Variants in PDE9A observed in about 807,000 individuals in gnomAD.
PDE9A encodes phosphodiesterase 9A.
Under a neutral mutation model 87.4 loss-of-function variants are expected in PDE9A, and 60 were observed. The observed-to-expected ratio is 0.69, with a 90% confidence interval of 0.56 to 0.85. PDE9A has a LOEUF of 0.85. Ranked by LOEUF, PDE9A falls within the 40% of genes least tolerant of loss-of-function variation. The pLI, the probability that PDE9A is intolerant of heterozygous loss-of-function variation, is 0.00. For missense variants in PDE9A, 665 were observed against 779.0 expected (o/e 0.85, Z 1.74); for synonymous variants, 272 against 279.4 (o/e 0.97, Z 0.27).
chr21:42,670,461 CTT>C (rs754896290), intron 1 of PDE9A, among the ~76,000 whole-genome samples: 3 of 151,926 alleles, frequency 2.0e-5, no homozygotes, highest in Non-Finnish European at 4.4e-5. Flanking sequence ...GTCACACAGA[CTT>C]GCACATAGAC....
chr21:42,697,645 G>A (rs1323324684), intron 3 of PDE9A, among the ~76,000 whole-genome samples: 2 of 152,162 alleles, frequency 1.3e-5, no homozygotes, highest in Admixed American at 6.5e-5. Context: ...TCCTGGGGAG[G>A]CCTCTCTTCC....
chr21:42,765,066 G>A (rs2056259987), intron 14 of PDE9A, among the ~76,000 whole-genome samples: 1 of 151,900 alleles, frequency 6.6e-6, no homozygotes. Flanking sequence ...TGGATGGATG[G>A]ATGGGTGGAT....
chr21:42,755,885 C>T (rs1022146652), intron 10 of PDE9A, among the ~76,000 whole-genome samples: 1 of 152,226 alleles, frequency 6.6e-6, no homozygotes, highest in African/African-American at 2.4e-5. Context: ...AAAGCACCTG[C>T]GTGGAAACTG....
intron 4 of PDE9A, 94 bp from the exon 5 acceptor site, chr21:42,731,676 C>T: frequency 4.7e-6 from 6 of 1,268,000 alleles, no homozygotes; most frequent in Non-Finnish European, 6.6e-6. Flanking sequence ...GCCTTGCACT[C>T]ACTTTGTCCC....
At chr21:42,768,931 G>A (rs2056649449) in intron 16 of PDE9A, 96 bp from the exon 17 acceptor site, 3 of 1,513,188 alleles carry the variant, frequency 2.0e-6, no homozygotes, top group Admixed American at 2.0e-5. Context: ...TGGTTGGTTG[G>A]TGGTTAACTG....
chr21:42,655,639 C>T (rs2057004516), intron 1 of PDE9A, among the ~76,000 whole-genome samples: 1 of 152,128 alleles, frequency 6.6e-6, no homozygotes, highest in African/African-American at 2.4e-5. Flanking sequence ...GCATCCCCGT[C>T]CATAAAGAAG....
At chr21:42,684,516 G>A (rs2059340066) in intron 1 of PDE9A, among the ~76,000 whole-genome samples, 1 of 152,258 alleles carries the variant, frequency 6.6e-6, no homozygotes, top group Non-Finnish European at 1.5e-5. Context: ...ACCCGGCCAA[G>A]TGCAGGACTC....
intron 14 of PDE9A, 46 bp from the exon 15 acceptor site, chr21:42,765,335 T>G (rs1035698096): frequency 9.0e-7 from 1 of 1,113,700 alleles, no homozygotes; most frequent in Non-Finnish European, 1.3e-6. Flanking sequence ...GCTGAATAAT[T>G]GTTCAGACTA....
At chr21:42,725,166 G>A (rs2050906342) in intron 4 of PDE9A, among the ~76,000 whole-genome samples, 1 of 152,100 alleles carries the variant, frequency 6.6e-6, no homozygotes, top group Non-Finnish European at 1.5e-5. Context: ...TAATAGCCAC[G>A]CTGCTTCCCT....
At chr21:42,754,727 A>G (rs967558121) in intron 10 of PDE9A, among the ~76,000 whole-genome samples, 1 of 150,828 alleles carries the variant, frequency 6.6e-6, no homozygotes, top group Non-Finnish European at 1.5e-5. Flanking sequence ...TTCTCGTGAT[A>G]GTGAGTAAGT....
At chr21:42,720,822 G>A (rs150725589) in intron 4 of PDE9A, among the ~76,000 whole-genome samples, 4 of 152,030 alleles carry the variant, frequency 2.6e-5, no homozygotes, top group Middle Eastern at 3.4e-3. Context: ...CCTGGCCAAC[G>A]TGGAGAAACC....
At chr21:42,714,487 A>G (rs2049653672) in intron 4 of PDE9A, among the ~76,000 whole-genome samples, 1 of 151,396 alleles carries the variant, frequency 6.6e-6, no homozygotes, top group Non-Finnish European at 1.5e-5. Context: ...CTTTGTTCAT[A>G]TGGTTGGGGT....
intron 6 of PDE9A, among the ~76,000 whole-genome samples, chr21:42,732,891 G>A (rs1259104872): frequency 2.0e-5 from 3 of 152,226 alleles, no homozygotes; most frequent in Non-Finnish European, 4.4e-5. Flanking sequence ...TCCAGCCTGG[G>A]CAAGAGTGAC....
rs774074653 is a variant in PDE9A at position 42,751,236 on chromosome 21, G to T, written c.735+39G>T. On this transcript the variant is annotated intron_variant, in intron 9 of 19. Transcript: ENST00000291539. ...CCGGCCCAGAAGAAGCTGCAGCTGT[G>T]TCCCCAGCCCCACGCCCAGCCCTGT... 7 of 1,433,976 alleles carry T rather than the reference G, an allele frequency of 4.9e-6. No individual in the cohort carries two copies. The Admixed American group carries it at 5.0e-5, about 10-fold the overall frequency. The allele number at this position is 1,433,976 out of a possible 1,614,324, so 88.8% of individuals were successfully genotyped here.
At chr21:42,709,097 A>G (rs2049073941) in intron 4 of PDE9A, among the ~76,000 whole-genome samples, 1 of 152,220 alleles carries the variant, frequency 6.6e-6, no homozygotes, top group South Asian at 2.1e-4. Context: ...TGTGGTACAT[A>G]TACACCATGG....
rs753119770 is a variant in PDE9A, at chr21:42,687,947, C to T, written c.171C>T (p.Asp57=). ...RNTTISLLTT[D]DAMVSIDPTM... ...CGACCATCTCCCTGCTGACCACCGA[C>T]GACGCCATGGTCTCCATCGACCCCA... Residue 57 remains aspartate (D), a synonymous_variant, in exon 3 of 20, where the codon GAC becomes GAT. Transcript: ENST00000291539. 1.6e-5 allele frequency: 26 copies of T among 1,613,146 alleles called. No homozygotes were observed. Among genetic ancestry groups the T allele is most frequent in the South Asian group, 9.9e-5 (9 of 91,074 alleles).
chr21:42,772,398 C>A, intron 18 of PDE9A, 41 bp from the exon 19 acceptor site: 2 of 1,364,124 alleles, frequency 1.5e-6, no homozygotes, highest in Non-Finnish European at 2.1e-6. Flanking sequence ...CCCCTGCTGT[C>A]TCCTGCTCCC....
Position 42,769,118 on chromosome 21 carries a change from A to G in PDE9A, c.1553A>G (p.Lys518Arg), listed in dbSNP as rs557221074. The G allele has an allele frequency of 1.2e-6, 2 of 1,613,972 alleles. No homozygotes were observed. Among genetic ancestry groups the G allele is most frequent in the African/African-American group, 2.7e-5 (2 of 75,044 alleles). ...GCCACAGCCCAGATTGGGTTCATCA[A>G]GTTTGTCCTGATCCCAATGTTTGAA... ...TKATAQIGFIKFVLIPMFETV... is the reference protein window; with the variant it reads ...TKATAQIGFIRFVLIPMFETV... The change falls in exon 17 of 20, where the codon AAG (lysine) becomes AGG (arginine). Residue 518 changes from lysine (K) to arginine (R), a missense_variant. By Grantham distance (26) the Lys-to-Arg change is conservative. Transcript: ENST00000291539.
intron 1 of PDE9A, among the ~76,000 whole-genome samples, chr21:42,679,330 G>A (rs549838055): frequency 6.6e-6 from 1 of 152,248 alleles, no homozygotes; most frequent in East Asian, 1.9e-4. Flanking sequence ...CCCTCGCTCC[G>A]TCTCCCCTCC....
Sources: allele counts gnomAD v4.1 joint callset (sites outside exome capture counted in the v4.1 genomes callset), GRCh38; gene constraint gnomAD v4.1.1; transcripts MANE v1.5; gene names NCBI Gene and HGNC (gene_info 2026-07-23, HGNC 2026-07-21).